The following XAF1 variants were observed in gnomAD, a reference collection of about 807,000 sequenced individuals.
The protein encoded by XAF1 is XIAP associated factor 1.
Under a neutral mutation model 32.3 loss-of-function variants are expected in XAF1, and 32 were observed. That is an observed-to-expected ratio of 0.99 (90% CI 0.75 to 1.33). The LOEUF (loss-of-function observed/expected upper bound fraction) is 1.33, where lower values mean the gene tolerates loss of function less well. Among genes scored for constraint, XAF1 ranks in the 40% most tolerant of loss-of-function variants. The probability of loss-of-function intolerance (pLI) is 0.00; values close to 1 mark genes in which losing one functional copy is unlikely to be tolerated. For missense variants in XAF1, 379 were observed against 366.0 expected (o/e 1.04, Z -0.29); for synonymous variants, 120 against 125.9 (o/e 0.95, Z 0.31).
intron 3 of XAF1, chr17:6,759,954 C>G: frequency 1.5e-6 from 1 of 680,718 alleles, no homozygotes; most frequent in Non-Finnish European, 2.4e-6. Flanking sequence ...TCAGATCCCC[C>G]GAAGGCAGTC....
intron 1 of XAF1, among the ~76,000 whole-genome samples, chr17:6,757,011 G>T (rs1161632753): frequency 6.8e-6 from 1 of 146,228 alleles, no homozygotes; most frequent in African/African-American, 2.5e-5. Flanking sequence ...TTTTTTTTAA[G>T]ATGGAGTTTC....
At chr17:6,764,247 T>C (rs1416148381) in intron 5 of XAF1, among the ~76,000 whole-genome samples, 2 of 152,198 alleles carry the variant, frequency 1.3e-5, no homozygotes, top group Non-Finnish European at 2.9e-5. Flanking sequence ...TCTATCTCCT[T>C]GGCAGCATCC....
At chr17:6,759,375 T>C (rs545481019) in intron 2 of XAF1, 316 of 1,359,610 alleles carry the variant, frequency 2.3e-4, no homozygotes, top group Non-Finnish European at 2.9e-4. Flanking sequence ...GATGGAGCCC[T>C]GTTTCCCGCC....
chr17:6,770,502 T>C, intron 5 of XAF1, 141 bp from the exon 6 acceptor site: 1 of 692,950 alleles, frequency 1.4e-6, no homozygotes, highest in Non-Finnish European at 2.3e-6. Flanking sequence ...AAGCCAGCTA[T>C]TAAATTGAAT....
Position 6,762,154 on chromosome 17 carries a change from G to T in XAF1, c.422-1G>T. Reference sequence around the variant, plus strand: ...GTGGTGTTGTTTCTCTGCTTATTCAGGGGAAAGAATTTCAGCTCCTGAAAG... The same window carrying T: ...GTGGTGTTGTTTCTCTGCTTATTCATGGGAAAGAATTTCAGCTCCTGAAAG... On this transcript the variant is annotated splice_acceptor_variant, in intron 4 of 6. Transcript: ENST00000361842. LOFTEE classifies it high-confidence loss of function. 13 of 1,612,708 alleles carry T rather than the reference G, an allele frequency of 8.1e-6. No individual in the cohort carries two copies. The highest frequency in any genetic ancestry group is 1.1e-5 in the Non-Finnish European group (13 of 1,179,486).
At chr17:6,759,949 TC>T in intron 3 of XAF1, 1 of 706,702 alleles carries the variant, frequency 1.4e-6, no homozygotes, top group Admixed American at 2.9e-5. Flanking sequence ...AGAGCTCAGA[TC>T]CCCCGAAGGC....
intron 5 of XAF1, among the ~76,000 whole-genome samples, chr17:6,770,341 G>T (rs949430298): frequency 6.6e-6 from 1 of 152,096 alleles, no homozygotes. Flanking sequence ...ATTAAAAAGG[G>T]AGGACCTTTC....
chr17:6,759,571 A>G (rs1975007333), intron 2 of XAF1, 91 bp from the exon 3 acceptor site: 4 of 1,592,240 alleles, frequency 2.5e-6, no homozygotes, highest in Non-Finnish European at 3.4e-6. Context: ...CAAACCCGGA[A>G]CACTGTGAGC....
chr17:6,756,044 A>ACGAAACT, upstream of XAF1: 2 of 1,613,710 alleles, frequency 1.2e-6, no homozygotes, highest in Non-Finnish European at 1.7e-6. Flanking sequence ...CCTGCAAGAA[A>ACGAAACT]CGAAACTCAA....
chr17:6,767,342 T>C (rs549382512), intron 5 of XAF1, among the ~76,000 whole-genome samples: 2 of 152,334 alleles, frequency 1.3e-5, no homozygotes, highest in Admixed American at 6.5e-5. Context: ...TACTCTTAGA[T>C]ACATTACAGG....
chr17:6,758,615 C>T (rs994653266), intron 2 of XAF1: 3 of 354,710 alleles, frequency 8.5e-6, no homozygotes, highest in Non-Finnish European at 1.7e-5. Context: ...AGTGTTCAGT[C>T]CTCCCTGCAG....
intron 5 of XAF1, among the ~76,000 whole-genome samples, chr17:6,767,736 A>ACTGCTGCTG (rs36030643): frequency 2.0e-4 from 31 of 151,468 alleles, no homozygotes; most frequent in African/African-American, 5.1e-4. Context: ...GTTCATTACT[A>ACTGCTGCTG]CTGCTGCTGC....
intron 4 of XAF1, chr17:6,761,600 C>T: frequency 3.4e-6 from 1 of 291,818 alleles, no homozygotes; most frequent in Non-Finnish European, 6.6e-6. Context: ...GATAAACAAT[C>T]CACCCAAGGG....
Position 6,774,402 on chromosome 17 carries a change from T to C in XAF1, c.*1233T>C, listed in dbSNP as rs1233039370. The C allele has an allele frequency of 2.6e-5, 4 of 152,126 alleles. No homozygotes were observed. Among genetic ancestry groups the C allele is most frequent in the Admixed American group, 6.5e-5 (1 of 15,274 alleles). 9.4% of individuals were successfully genotyped at this position (152,126 alleles called of 1,614,324 possible). On this transcript the variant is annotated 3_prime_UTR_variant, in exon 7 of 7. Transcript: ENST00000361842. ...GAAACTGAACCACTTCCTTACACCA[T>C]ATGCAAAAATCAACTCAAGATGGAT...
rs1976317588 is a variant in XAF1, at chr17:6,774,920, C to T, written c.*1751C>T. 1 of 152,006 alleles carries T rather than the reference C, an allele frequency of 6.6e-6. No homozygotes were observed. The highest frequency in any genetic ancestry group is 1.5e-5 in the Non-Finnish European group (1 of 68,002). 9.4% of individuals were successfully genotyped at this position (152,006 alleles called of 1,614,324 possible). A position where few individuals can be genotyped will look rare whatever the true frequency, so the allele number is the denominator to read the frequency against. On this transcript the variant is annotated 3_prime_UTR_variant, in exon 7 of 7. Transcript: ENST00000361842. ...GCCAGGCGTGGTGGCGAGCACCTGTCATCCCAGCTACTTGGGAGGCCTAGG... is the reference window on the plus strand; with the variant it reads ...GCCAGGCGTGGTGGCGAGCACCTGTTATCCCAGCTACTTGGGAGGCCTAGG...
chr17:6,769,119 A>G (rs139494065), intron 5 of XAF1, among the ~76,000 whole-genome samples: 8 of 144,490 alleles, frequency 5.5e-5, no homozygotes, highest in Non-Finnish European at 1.2e-4. Flanking sequence ...TATTTTCTCT[A>G]TTTCTATCTC....
chr17:6,772,510 A>AC (rs1298138236), intron 6 of XAF1, among the ~76,000 whole-genome samples: 1 of 119,488 alleles, frequency 8.4e-6, no homozygotes. Flanking sequence ...TCGCTCTGTC[A>AC]CCCAGGCTGG....
At position 6,762,258 on chromosome 17, in the gene XAF1, A is replaced by G. The variant is rs187513116; in HGVS notation, c.507+18A>G. 9 of 1,582,804 alleles carry G rather than the reference A, an allele frequency of 5.7e-6. No homozygotes were observed. In the Admixed American group the frequency reaches 1.6e-4, roughly 28 times the overall value. On this transcript the variant is annotated intron_variant, in intron 5 of 6. Coordinates refer to ENST00000361842, the MANE Select transcript of XAF1 (RefSeq NM_017523.5). Reference sequence around the variant, plus strand: ...ACCATATGGTGAGTAGCACTTAGTAATTTTCTAATGGTGCCAATAGTTCAT... The same window carrying G: ...ACCATATGGTGAGTAGCACTTAGTAGTTTTCTAATGGTGCCAATAGTTCAT...
At chr17:6,755,838 G>T, upstream of XAF1, 1 of 1,349,134 alleles carries the variant, frequency 7.4e-7, no homozygotes, top group Non-Finnish European at 9.6e-7. Context: ...CCTCAGGGAG[G>T]TAGATGCGGC....
Sources: gnomAD v4.1 joint callset for allele counts (sites outside exome capture counted in the v4.1 genomes callset) on GRCh38, gnomAD v4.1.1 for gene constraint, MANE v1.5 for transcripts, NCBI Gene and HGNC (gene_info 2026-07-23, HGNC 2026-07-21) for gene names.